The following ASTN2 variants were observed in gnomAD, a reference collection of about 807,000 sequenced individuals.
ASTN2 encodes astrotactin 2.
ASTN2 carries 54 observed loss-of-function variants against 139.8 expected under a neutral mutation model. That is an observed-to-expected ratio of 0.39 (90% CI 0.31 to 0.48). The LOEUF (loss-of-function observed/expected upper bound fraction) is 0.48, where lower values mean the gene tolerates loss of function less well. Among genes scored for constraint, ASTN2 ranks in the 20% least tolerant of loss-of-function variants. ASTN2 has a pLI of 0.95. For synonymous variants in ASTN2, 756 were observed against 719.5 expected (o/e 1.05, Z -0.81); for missense variants, 1,565 against 1,725.1 (o/e 0.91, Z 1.64).
intron 1 of ASTN2, among the ~76,000 whole-genome samples, chr9:117,298,419 C>A (rs1834787308): frequency 6.6e-6 from 1 of 152,200 alleles, no homozygotes; most frequent in Non-Finnish European, 1.5e-5. Flanking sequence ...ATGTGTTCAA[C>A]CTGTGTGTTT....
chr9:116,905,199 G>A (rs1834122643), intron 10 of ASTN2, among the ~76,000 whole-genome samples: 1 of 152,170 alleles, frequency 6.6e-6, no homozygotes, highest in African/African-American at 2.4e-5. Context: ...CTGTACAGAA[G>A]AGCGTGTGCT....
intron 1 of ASTN2, among the ~76,000 whole-genome samples, chr9:117,393,712 C>T (rs748359299): frequency 2.0e-5 from 3 of 152,166 alleles, no homozygotes; most frequent in African/African-American, 4.8e-5. Context: ...GGACTGAGAG[C>T]TCCTGAGACC....
chr9:117,327,150 A>C (rs1489252084), intron 1 of ASTN2, among the ~76,000 whole-genome samples: 1 of 152,128 alleles, frequency 6.6e-6, no homozygotes, highest in African/African-American at 2.4e-5. Flanking sequence ...ATCTAATGCC[A>C]TGGCTGATCT....
intron 19 of ASTN2, among the ~76,000 whole-genome samples, chr9:116,521,012 C>CACCCA (rs1213297650): frequency 1.3e-5 from 2 of 152,190 alleles, no homozygotes; most frequent in African/African-American, 4.8e-5. Context: ...ATAGATGACA[C>CACCCA]ACCCAAATGA....
intron 1 of ASTN2, among the ~76,000 whole-genome samples, chr9:117,360,026 G>C (rs1829650255): frequency 6.6e-6 from 1 of 152,138 alleles, no homozygotes; most frequent in Non-Finnish European, 1.5e-5. Flanking sequence ...TTGACTGGTT[G>C]CTAAATATAA....
chr9:116,490,857 C>A (rs938488248), intron 19 of ASTN2, among the ~76,000 whole-genome samples: 1 of 152,074 alleles, frequency 6.6e-6, no homozygotes, highest in Non-Finnish European at 1.5e-5. Flanking sequence ...GAGGGTACAG[C>A]CAAACCATAT....
chr9:117,275,290 A>AT (rs1002684684), intron 2 of ASTN2, among the ~76,000 whole-genome samples: 33 of 152,076 alleles, frequency 2.2e-4, no homozygotes, highest in Admixed American at 5.2e-4. Flanking sequence ...ATTTTTAGGA[A>AT]TTTTTTTTAC....
At chr9:117,270,447 T>C (rs928142301) in intron 2 of ASTN2, among the ~76,000 whole-genome samples, 1 of 152,222 alleles carries the variant, frequency 6.6e-6, no homozygotes, top group African/African-American at 2.4e-5. Context: ...TATTTGTTTT[T>C]TTGTGACAAT....
At chr9:117,381,023 A>G (rs111852181) in intron 1 of ASTN2, among the ~76,000 whole-genome samples, 1,585 of 152,370 alleles carry the variant, frequency 0.01, 22 homozygotes, top group Non-Finnish European at 0.017. Context: ...CAACAGATGC[A>G]TGGATAAATA....
chr9:117,324,728 T>C (rs914105186), intron 1 of ASTN2, among the ~76,000 whole-genome samples: 1 of 152,128 alleles, frequency 6.6e-6, no homozygotes, highest in Admixed American at 6.5e-5. Context: ...GGAGAGGCCA[T>C]AGCAAGTGGT....
At chr9:117,321,056 G>GT (rs1006497307) in intron 1 of ASTN2, among the ~76,000 whole-genome samples, 7 of 152,176 alleles carry the variant, frequency 4.6e-5, no homozygotes, top group African/African-American at 9.6e-5. Context: ...TGCCCCATCA[G>GT]TTTTTTTTCA....
chr9:117,079,742 C>T (rs564559964), intron 5 of ASTN2, among the ~76,000 whole-genome samples: 1 of 42,712 alleles, frequency 2.3e-5, no homozygotes, highest in South Asian at 5.4e-4. Flanking sequence ...AAGGGATGAA[C>T]ACTGTTTTTC....
At chr9:116,747,057 C>T (rs1829259189) in intron 13 of ASTN2, among the ~76,000 whole-genome samples, 1 of 152,198 alleles carries the variant, frequency 6.6e-6, no homozygotes, top group Non-Finnish European at 1.5e-5. Flanking sequence ...CCCTTGCCGT[C>T]CTTCCTTCAC....
intron 10 of ASTN2, among the ~76,000 whole-genome samples, chr9:116,946,339 A>G (rs1270285182): frequency 6.6e-6 from 1 of 152,208 alleles, no homozygotes; most frequent in Admixed American, 6.5e-5. Flanking sequence ...GAAAAAATGC[A>G]GAGACATCCT....
At chr9:116,795,573 G>A (rs971752207) in intron 13 of ASTN2, among the ~76,000 whole-genome samples, 1 of 152,218 alleles carries the variant, frequency 6.6e-6, no homozygotes, top group African/African-American at 2.4e-5. Flanking sequence ...AGAGCATGAA[G>A]GGCTGAGCTT....
At chr9:116,846,559 T>G (rs957192762) in intron 11 of ASTN2, among the ~76,000 whole-genome samples, 12 of 152,162 alleles carry the variant, frequency 7.9e-5, no homozygotes, top group African/African-American at 2.9e-4. Flanking sequence ...TGGCTGGGTT[T>G]GCTCACACAC....
chr9:117,296,015 C>T (rs1036302556), intron 1 of ASTN2, among the ~76,000 whole-genome samples: 1 of 151,916 alleles, frequency 6.6e-6, no homozygotes, highest in African/African-American at 2.4e-5. Flanking sequence ...CGTGGTGGCT[C>T]ACACCTGTAA....
intron 13 of ASTN2, among the ~76,000 whole-genome samples, chr9:116,748,685 C>T (rs1009811177): frequency 6.6e-6 from 1 of 152,134 alleles, no homozygotes; most frequent in South Asian, 2.1e-4. Flanking sequence ...CCAGATGAGT[C>T]CAAGGGTGAA....
intron 6 of ASTN2, among the ~76,000 whole-genome samples, chr9:117,026,033 G>C (rs1283949664): frequency 6.6e-6 from 1 of 151,772 alleles, no homozygotes. Flanking sequence ...CCAAAGTGTT[G>C]GGATTACAGG....
Sources: gnomAD v4.1 joint callset for allele counts (sites outside exome capture counted in the v4.1 genomes callset) on GRCh38, gnomAD v4.1.1 for gene constraint, MANE v1.5 for transcripts, NCBI Gene and HGNC (gene_info 2026-07-23, HGNC 2026-07-21) for gene names.